The following RBFOX1 variants were observed in gnomAD, a reference collection of about 807,000 sequenced individuals.
RBFOX1 encodes RNA binding protein fox-1 homolog 1.
RBFOX1 carries 8 observed loss-of-function variants against 57.7 expected under a neutral mutation model. That is an observed-to-expected ratio of 0.14 (90% CI 0.08 to 0.25). The LOEUF (loss-of-function observed/expected upper bound fraction) is 0.25, where lower values mean the gene tolerates loss of function less well. Ranked by LOEUF, RBFOX1 falls within the 10% of genes least tolerant of loss-of-function variation. RBFOX1 has a pLI of 1.00. For missense variants in RBFOX1, 611 were observed against 548.5 expected (o/e 1.11, Z -1.14); for synonymous variants, 326 against 222.4 (o/e 1.47, Z -4.15).
chr16:7,631,081 G>C (rs1382558177), intron 11 of RBFOX1, among the ~76,000 whole-genome samples: 1 of 152,190 alleles, frequency 6.6e-6, no homozygotes, highest in East Asian at 1.9e-4. Context: ...CTTGTACACA[G>C]TTGTCTCACG....
chr16:6,541,893 C>T (rs893877413), intron 2 of RBFOX1, among the ~76,000 whole-genome samples: 1 of 152,022 alleles, frequency 6.6e-6, no homozygotes, highest in African/African-American at 2.4e-5. Flanking sequence ...ACATCAGGCT[C>T]TGTGCAGCAG....
chr16:7,663,718 T>C (rs943830447), intron 12 of RBFOX1, among the ~76,000 whole-genome samples: 4 of 152,154 alleles, frequency 2.6e-5, no homozygotes, highest in South Asian at 2.1e-4. Flanking sequence ...TGGGAAGGTA[T>C]CGGGGAAGAT....
At chr16:6,221,187 C>G (rs555843849) in intron 1 of RBFOX1, among the ~76,000 whole-genome samples, 1 of 152,212 alleles carries the variant, frequency 6.6e-6, no homozygotes, top group African/African-American at 2.4e-5. Flanking sequence ...ACTTACTTTT[C>G]AAAAGGGTCA....
intron 3 of RBFOX1, among the ~76,000 whole-genome samples, chr16:7,024,797 C>A (rs1207118590): frequency 6.6e-6 from 1 of 152,196 alleles, no homozygotes; most frequent in Admixed American, 6.5e-5. Context: ...CTGCAATTCC[C>A]TCTGGACCCT....
chr16:5,873,774 T>A (rs2057537539), intron 4 of RBFOX1, among the ~76,000 whole-genome samples: 1 of 152,308 alleles, frequency 6.6e-6, no homozygotes, highest in Non-Finnish European at 1.5e-5. Context: ...AAGTTCTGGA[T>A]CTCGGTTAAA....
chr16:6,401,362 C>T (rs1242869368), intron 2 of RBFOX1, among the ~76,000 whole-genome samples: 1 of 152,302 alleles, frequency 6.6e-6, no homozygotes, highest in Non-Finnish European at 1.5e-5. Flanking sequence ...ATGAAAAATT[C>T]TTCCTCACAA....
At chr16:7,669,102 C>A (rs2070482370) in intron 13 of RBFOX1, among the ~76,000 whole-genome samples, 1 of 152,176 alleles carries the variant, frequency 6.6e-6, no homozygotes, top group African/African-American at 2.4e-5. Context: ...TGGGGTTTCG[C>A]CATGTTGGCC....
intron 4 of RBFOX1, among the ~76,000 whole-genome samples, chr16:7,514,173 C>T (rs28416290): frequency 0.018 from 2,724 of 152,238 alleles, 87 homozygotes; most frequent in African/African-American, 0.062. Context: ...CACAGCTATC[C>T]AACTCTGCCT....
chr16:6,663,294 T>C (rs1306235044), intron 3 of RBFOX1, among the ~76,000 whole-genome samples: 1 of 152,158 alleles, frequency 6.6e-6, no homozygotes, highest in Non-Finnish European at 1.5e-5. Flanking sequence ...TATTTGTATA[T>C]AGTTTGCTGC....
At chr16:5,582,472 G>C (rs1272469746) in intron 2 of RBFOX1, among the ~76,000 whole-genome samples, 4 of 151,840 alleles carry the variant, frequency 2.6e-5, no homozygotes, top group African/African-American at 9.7e-5. Context: ...CAAGACCAGA[G>C]AGGTTAAACA....
At chr16:7,148,259 A>T (rs2075418686) in intron 4 of RBFOX1, among the ~76,000 whole-genome samples, 1 of 152,206 alleles carries the variant, frequency 6.6e-6, no homozygotes, top group Non-Finnish European at 1.5e-5. Flanking sequence ...GTTTAAAGGC[A>T]CACTCTGGCA....
At chr16:5,742,664 A>C (rs184047526) in intron 3 of RBFOX1, among the ~76,000 whole-genome samples, 11 of 152,340 alleles carry the variant, frequency 7.2e-5, no homozygotes, top group Admixed American at 5.9e-4. Context: ...GGCATAACAG[A>C]GTACTGGCCC....
At chr16:7,627,087 CTA>C (rs962106472) in intron 10 of RBFOX1, among the ~76,000 whole-genome samples, 7 of 145,844 alleles carry the variant, frequency 4.8e-5, no homozygotes, top group African/African-American at 1.6e-4. Flanking sequence ...CACTTTTAAA[CTA>C]TGTTGGAGGA....
chr16:5,969,419 C>T (rs866284064), intron 4 of RBFOX1, among the ~76,000 whole-genome samples: 1 of 144,238 alleles, frequency 6.9e-6, no homozygotes, highest in Non-Finnish European at 1.5e-5. Context: ...TCAAGCGATT[C>T]TCCTGCCTCA....
At chr16:7,130,841 A>C (rs905356415) in intron 4 of RBFOX1, among the ~76,000 whole-genome samples, 1 of 152,170 alleles carries the variant, frequency 6.6e-6, no homozygotes, top group Non-Finnish European at 1.5e-5. Flanking sequence ...CATCTCATTC[A>C]TAATCTATCA....
chr16:7,435,106 T>C (rs145373086), intron 4 of RBFOX1, among the ~76,000 whole-genome samples: 1 of 152,344 alleles, frequency 6.6e-6, no homozygotes, highest in East Asian at 1.9e-4. Flanking sequence ...AATGTCTACA[T>C]TTTATTCAGA....
At chr16:5,490,557 C>A (rs1424071060) in intron 2 of RBFOX1, among the ~76,000 whole-genome samples, 1 of 152,186 alleles carries the variant, frequency 6.6e-6, no homozygotes, top group Non-Finnish European at 1.5e-5. Context: ...GAATGGAATC[C>A]CCCGCCCTCC....
At chr16:5,759,640 C>G (rs1268279599) in intron 3 of RBFOX1, among the ~76,000 whole-genome samples, 1 of 152,150 alleles carries the variant, frequency 6.6e-6, no homozygotes, top group Non-Finnish European at 1.5e-5. Flanking sequence ...TGGGTAGAAG[C>G]AAAGCTCTCA....
At chr16:7,604,760 C>T (rs912824228) in intron 9 of RBFOX1, among the ~76,000 whole-genome samples, 8 of 152,268 alleles carry the variant, frequency 5.3e-5, no homozygotes, top group African/African-American at 1.9e-4. Context: ...AATTTATAAT[C>T]TTTAAGAGCT....
Sources: gnomAD v4.1 joint callset for allele counts (sites outside exome capture counted in the v4.1 genomes callset) on GRCh38, gnomAD v4.1.1 for gene constraint, MANE v1.5 for transcripts, NCBI Gene and HGNC (gene_info 2026-07-23, HGNC 2026-07-21) for gene names.